Variants in FRAS1 observed in about 807,000 individuals in gnomAD.
The protein encoded by FRAS1 is Fraser extracellular matrix complex subunit 1.
Under a neutral mutation model 435.2 loss-of-function variants are expected in FRAS1, and 290 were observed. That is an observed-to-expected ratio of 0.67 (90% CI 0.61 to 0.73). The LOEUF is 0.73. Among genes scored for constraint, FRAS1 ranks in the 30% least tolerant of loss-of-function variants. FRAS1 has a pLI of 0.00. For synonymous variants in FRAS1, 1,800 were observed against 1,851.0 expected (o/e 0.97, Z 0.71); for missense variants, 4,860 against 5,001.5 (o/e 0.97, Z 0.85).
chr4:78,517,561 T>C (rs573803382), intron 66 of FRAS1, among the ~76,000 whole-genome samples: 36 of 152,206 alleles, frequency 2.4e-4, no homozygotes, highest in Non-Finnish European at 4.4e-4. Context: ...TGACGTATGA[T>C]AGGAAGAATA....
rs202092409 is a variant in FRAS1 at position 78,464,486 on chromosome 4, C to T, written c.6932C>T (p.Ser2311Leu). 3.7e-4 allele frequency: 600 copies of T among 1,613,846 alleles called. 1 individual carries two copies. The highest frequency in any genetic ancestry group is 4.8e-4 in the Non-Finnish European group (567 of 1,179,860). Residue 2311 changes from serine to leucine, a missense_variant, in exon 49 of 74, where the codon TCG becomes TTG. By Grantham distance (145) the Ser-to-Leu change is moderately radical. Transcript: ENST00000512123. ...ATCACTCTTCACCCTGTCGATGATT[C>T]GCTGCCCGTCGTACAGAACTTAGGA... ...FHITLHPVDD[S>L]LPVVQNLGMR...
intron 35 of FRAS1, among the ~76,000 whole-genome samples, chr4:78,425,275 C>T (rs1442287416): frequency 6.6e-6 from 1 of 152,022 alleles, no homozygotes; most frequent in South Asian, 2.1e-4. Context: ...TACCCAGAGG[C>T]GAGTTGAGAA....
At chr4:78,115,507 G>A (rs1743092929) in intron 2 of FRAS1, among the ~76,000 whole-genome samples, 1 of 152,100 alleles carries the variant, frequency 6.6e-6, no homozygotes, top group African/African-American at 2.4e-5. Context: ...CAATTTCAGA[G>A]CCTGTTATTG....
intron 11 of FRAS1, 34 bp from the exon 12 acceptor site, chr4:78,282,786 T>G: frequency 2.5e-6 from 4 of 1,610,454 alleles, no homozygotes; most frequent in Non-Finnish European, 3.4e-6. Flanking sequence ...TACTGCATCC[T>G]GATGACAATG....
At chr4:78,083,527 A>T (rs7677432) in intron 2 of FRAS1, among the ~76,000 whole-genome samples, 1 of 151,810 alleles carries the variant, frequency 6.6e-6, no homozygotes, top group Non-Finnish European at 1.5e-5. Flanking sequence ...ACGCATGGAA[A>T]TAAAAAGCCT....
chr4:78,062,962 T>G (rs1016162681), intron 1 of FRAS1, among the ~76,000 whole-genome samples: 6 of 152,232 alleles, frequency 3.9e-5, no homozygotes, highest in African/African-American at 1.4e-4. Context: ...CTACTCCTGT[T>G]GTCTCCGGTT....
intron 53 of FRAS1, 60 bp downstream of exon 53, chr4:78,473,657 G>A: frequency 7.4e-7 from 1 of 1,360,374 alleles, no homozygotes; most frequent in Non-Finnish European, 1.0e-6. Flanking sequence ...GAGGGAGTCA[G>A]GATGAAGGAT....
intron 34 of FRAS1, among the ~76,000 whole-genome samples, chr4:78,423,677 A>G (rs1733886974): frequency 6.6e-6 from 1 of 152,100 alleles, no homozygotes; most frequent in Non-Finnish European, 1.5e-5. Context: ...AAAACAGTTA[A>G]CTCCTCAATT....
At chr4:78,501,538 C>A (rs1009989827) in intron 61 of FRAS1, among the ~76,000 whole-genome samples, 1 of 152,154 alleles carries the variant, frequency 6.6e-6, no homozygotes, top group African/African-American at 2.4e-5. Context: ...TGAGGAATTG[C>A]CACACTGTCT....
chr4:78,158,937 T>C (rs1367654824), intron 2 of FRAS1, among the ~76,000 whole-genome samples: 2 of 152,178 alleles, frequency 1.3e-5, no homozygotes, highest in South Asian at 2.1e-4. Context: ...CATGCCATGA[T>C]TGGAATCAAT....
At chr4:78,460,854 C>A (rs867645452) in intron 47 of FRAS1, among the ~76,000 whole-genome samples, 116 of 152,308 alleles carry the variant, frequency 7.6e-4, no homozygotes, top group African/African-American at 2.6e-3. Context: ...TTGACCAAAA[C>A]TGAAATGTCA....
intron 29 of FRAS1, among the ~76,000 whole-genome samples, chr4:78,396,398 G>A (rs796801242): frequency 2.0e-4 from 30 of 152,188 alleles, no homozygotes; most frequent in African/African-American, 6.0e-4. Context: ...ATTTCCTTTA[G>A]CATTTCTTGT....
At chr4:78,515,763 C>G (rs1208801050) in intron 65 of FRAS1, 36 bp from the exon 66 acceptor site, 1 of 1,600,778 alleles carries the variant, frequency 6.2e-7, no homozygotes, top group South Asian at 1.1e-5. Flanking sequence ...CATCCACAAA[C>G]CAAGTTATCG....
chr4:78,183,120 A>G (rs185953745), intron 2 of FRAS1, among the ~76,000 whole-genome samples: 2 of 152,270 alleles, frequency 1.3e-5, no homozygotes, highest in East Asian at 3.9e-4. Flanking sequence ...GAGAGTGTCC[A>G]GAGTTGTAGT....
At chr4:78,415,040 A>G (rs1036335853) in intron 32 of FRAS1, among the ~76,000 whole-genome samples, 7 of 152,180 alleles carry the variant, frequency 4.6e-5, no homozygotes, top group African/African-American at 1.7e-4. Flanking sequence ...ACTTAATCCT[A>G]TACTAGAATC....
At chr4:78,507,335 A>G (rs13118276) in intron 61 of FRAS1, 86 bp from the exon 62 acceptor site, 320,964 of 1,113,204 alleles carry the variant, frequency 0.29, 51,409 homozygotes, top group South Asian at 0.51. Context: ...ATTTTAACAT[A>G]ATGTCTCAGC....
chr4:78,441,183 C>T lies in FRAS1; in HGVS notation c.5551C>T (p.Pro1851Ser), dbSNP rs1164837040. ...LITVDEGGRAPLSFHHFFATD... is the reference protein window; with the variant it reads ...LITVDEGGRASLSFHHFFATD... ...TTAGGTTGATGAGGGAGGGAGAGCA[C>T]CACTCTCATTTCACCATTTTTTTGC... is the stretch of plus-strand genomic sequence containing the variant. Residue 1851 changes from proline to serine, a missense_variant, in exon 41 of 74, where the codon CCA becomes TCA. Coordinates refer to ENST00000512123, the MANE Select transcript of FRAS1 (RefSeq NM_025074.7). The T allele has an allele frequency of 1.2e-6, 2 of 1,613,682 alleles. No individual in the cohort carries two copies. Among genetic ancestry groups the T allele is most frequent in the East Asian group, 2.2e-5 (1 of 44,870 alleles).
intron 70 of FRAS1, among the ~76,000 whole-genome samples, chr4:78,530,923 CT>C (rs1266094138): frequency 2.6e-5 from 4 of 152,314 alleles, no homozygotes; most frequent in African/African-American, 9.6e-5. Context: ...ATCTAAATTA[CT>C]TTGGGCAGTA....
At position 78,167,103 on chromosome 4, in the gene FRAS1, T is replaced by C. The variant is rs1440744788; in HGVS notation, c.109-70407T>C. ...TCAGTATAGTTGCCCTAACTAATAA[T>C]ACCAATTATACATTGGCTTGAAAAA... On this transcript the variant is annotated intron_variant, in intron 2 of 73. Transcript: ENST00000512123. Among the ~76,000 whole-genome samples, 7 of 152,222 alleles carry C rather than the reference T, an allele frequency of 4.6e-5. 1 individual carries two copies. In the East Asian group the frequency reaches 1.3e-3, roughly 29 times the overall value.
Sources: allele counts gnomAD v4.1 joint callset (sites outside exome capture counted in the v4.1 genomes callset), GRCh38; gene constraint gnomAD v4.1.1; transcripts MANE v1.5; gene names NCBI Gene and HGNC (gene_info 2026-07-23, HGNC 2026-07-21).